Variants in CACNB2 observed in about 807,000 individuals in gnomAD.
The protein encoded by CACNB2 is calcium voltage-gated channel auxiliary subunit beta 2.
CACNB2 carries 42 observed loss-of-function variants against 73.3 expected under a neutral mutation model. The observed-to-expected ratio is 0.57, with a 90% CI of 0.45 to 0.74. The LOEUF (loss-of-function observed/expected upper bound fraction) is 0.74, where lower values mean the gene tolerates loss of function less well. CACNB2 is among the 30% of genes least tolerant of loss of function. The pLI is 0.00. For missense variants in CACNB2, 940 were observed against 853.0 expected, an observed-to-expected ratio of 1.10 and a Z score of -1.27; for synonymous variants, 348 against 310.3, an observed-to-expected ratio of 1.12 and a Z score of -1.28.
At chr10:18,449,453 A>G (rs1360019073) in intron 3 of CACNB2, among the ~76,000 whole-genome samples, 3 of 152,168 alleles carry the variant, frequency 2.0e-5, no homozygotes, top group Non-Finnish European at 2.9e-5. Context: ...CTCCTGCAAC[A>G]AGTCGGGAGG....
rs762982462 is a variant in CACNB2, at chr10:18,464,418, T to TAAAA, written c.334-33918_334-33915dup. Among the ~76,000 whole-genome samples, 554 of 85,230 alleles carry TAAAA rather than the reference T, an allele frequency of 6.5e-3. 17 individuals carry two copies. Among genetic ancestry groups the TAAAA allele is most frequent in the African/African-American group, 0.02 (510 of 24,904 alleles). The allele number at this position is 85,230 out of a possible 152,430, so 55.9% of individuals were successfully genotyped here. A position where few individuals can be genotyped will look rare whatever the true frequency, so the allele number is the denominator to read the frequency against. ...CAGAGTGAGACCCTGTCTCAAAAATTAAAAAAAAAAAAAAAAAAAAAAGAA... is the reference window on the plus strand; with the variant it reads ...CAGAGTGAGACCCTGTCTCAAAAATTAAAAAAAAAAAAAAAAAAAAAAAAAAGAA... On this transcript the variant is annotated intron_variant, in intron 3 of 13. Coordinates refer to ENST00000324631, the MANE Select transcript of CACNB2 (RefSeq NM_201596.3).
chr10:18,445,666 G>A (rs1185559468), intron 3 of CACNB2, among the ~76,000 whole-genome samples: 1 of 152,234 alleles, frequency 6.6e-6, no homozygotes, highest in Admixed American at 6.5e-5. Context: ...AACAAGCACA[G>A]TGAATACAGT....
chr10:18,260,463 C>T (rs2037484167), intron 2 of CACNB2: 1 of 985,450 alleles, frequency 1.0e-6, no homozygotes. Flanking sequence ...CACCAAACAA[C>T]TGTGCGCCGC....
intron 3 of CACNB2, among the ~76,000 whole-genome samples, chr10:18,494,057 A>G (rs1243599578): frequency 1.3e-5 from 2 of 152,204 alleles, no homozygotes; most frequent in Non-Finnish European, 2.9e-5. Flanking sequence ...AGGTGAGGCA[A>G]GAAAGGAGGC....
At chr10:18,385,296 G>A (rs1202169335) in intron 2 of CACNB2, among the ~76,000 whole-genome samples, 1 of 148,660 alleles carries the variant, frequency 6.7e-6, no homozygotes, top group Non-Finnish European at 1.5e-5. Flanking sequence ...AAAAAAAAAC[G>A]GTTGCCTTAT....
intron 3 of CACNB2, among the ~76,000 whole-genome samples, chr10:18,424,052 C>G (rs1331739170): frequency 1.3e-5 from 2 of 151,990 alleles, no homozygotes; most frequent in Non-Finnish European, 1.5e-5. Flanking sequence ...AAAAAAAACT[C>G]ATGTACCCAC....
In CACNB2 at chr10:18,171,543, A is replaced by AAAAAAAAAAAAAG. The variant is rs1564314409; in HGVS notation, c.213+20574_213+20575insAAAAAAGAAAAAA. 3.4e-3 allele frequency among the ~76,000 whole-genome samples: 474 copies of AAAAAAAAAAAAAG among 138,792 alleles called. 22 individuals carry two copies. Among genetic ancestry groups the AAAAAAAAAAAAAG allele is most frequent in the African/African-American group, 0.015 (459 of 30,796 alleles). The allele number at this position is 138,792 out of a possible 152,430, so 91.1% of individuals were successfully genotyped here. On this transcript the variant is annotated intron_variant, in intron 2 of 13. Coordinates refer to ENST00000324631, the MANE Select transcript of CACNB2 (RefSeq NM_201596.3). The stretch of plus-strand genomic sequence containing the variant: ...GCAGAAAAAAAAAAAAAAAAAAAAA[A>AAAAAAAAAAAAAG]AAAAAAGGCTATTTGTTCTTCTTCA...
intron 10 of CACNB2, 122 bp from the exon 11 acceptor site, chr10:18,533,954 C>T: frequency 1.2e-6 from 1 of 838,248 alleles, no homozygotes; most frequent in Non-Finnish European, 1.9e-6. Flanking sequence ...TTTATCAATT[C>T]TATTGCCTGT....
intron 2 of CACNB2, among the ~76,000 whole-genome samples, chr10:18,161,391 A>G (rs572625242): frequency 9.2e-5 from 14 of 152,198 alleles, no homozygotes; most frequent in Non-Finnish European, 1.8e-4. Context: ...ACTTCTGTCA[A>G]GGTTACTTTG....
chr10:18,211,408 A>G (rs11013025), intron 2 of CACNB2, among the ~76,000 whole-genome samples: 3,015 of 152,268 alleles, frequency 0.02, 108 homozygotes, highest in African/African-American at 0.069. Context: ...AACTTTTAAG[A>G]TATACAAAAA....
chr10:18,480,210 T>A (rs751861870), intron 3 of CACNB2, among the ~76,000 whole-genome samples: 1 of 152,186 alleles, frequency 6.6e-6, no homozygotes, highest in African/African-American at 2.4e-5. Context: ...CTTGGATAGG[T>A]TTGTATATGC....
intron 3 of CACNB2, among the ~76,000 whole-genome samples, chr10:18,461,636 C>G (rs2047581782): frequency 6.6e-6 from 1 of 152,054 alleles, no homozygotes; most frequent in South Asian, 2.1e-4. Flanking sequence ...GAGTCTCAAC[C>G]TAGATCCCTC....
chr10:18,179,119 A>T (rs1041785366), intron 2 of CACNB2, among the ~76,000 whole-genome samples: 1 of 152,222 alleles, frequency 6.6e-6, no homozygotes, highest in African/African-American at 2.4e-5. Context: ...CTTTTATTGC[A>T]ATGTAAACTA....
At chr10:18,261,491 A>G (rs987515736) in intron 2 of CACNB2, among the ~76,000 whole-genome samples, 1 of 152,112 alleles carries the variant, frequency 6.6e-6, no homozygotes, top group Admixed American at 6.5e-5. Context: ...ATTCTGAGAT[A>G]TTTATTTTTT....
chr10:18,347,344 ATTTTTTTTTTTTTTT>A lies in CACNB2; in HGVS notation c.214-54565_214-54551del, dbSNP rs201654242. On this transcript the variant is annotated intron_variant, in intron 2 of 13. Transcript: ENST00000324631. ...AGGCGCATGCCGCCATGCCCGTCTA[ATTTTTTTTTTTTTTT>A]TTTTTTTTTTTTTTGTATTTTAGTA... 7.4e-5 allele frequency among the ~76,000 whole-genome samples: 9 copies of A among 120,814 alleles called. No individual in the cohort carries two copies. The East Asian group carries it at 2.0e-3, about 27-fold the overall frequency. The allele number at this position is 120,814 out of a possible 152,430, so 79.3% of individuals were successfully genotyped here.
intron 11 of CACNB2, 130 bp from the exon 12 acceptor site, chr10:18,535,971 T>A (rs1021230493): frequency 1.6e-6 from 1 of 643,616 alleles, no homozygotes; most frequent in Non-Finnish European, 2.8e-6. Context: ...GCAGATAATC[T>A]TATAGCTCCA....
chr10:18,416,514 T>C (rs540706334), intron 3 of CACNB2, among the ~76,000 whole-genome samples: 1 of 152,314 alleles, frequency 6.6e-6, no homozygotes, highest in South Asian at 2.1e-4. Context: ...CCTCCTGGGT[T>C]CAAAGGATTC....
At chr10:18,531,626 T>A (rs961794676) in intron 10 of CACNB2, among the ~76,000 whole-genome samples, 2 of 152,206 alleles carry the variant, frequency 1.3e-5, no homozygotes, top group African/African-American at 4.8e-5. Context: ...TACACTCCCA[T>A]CAACAGTGTA....
intron 2 of CACNB2, among the ~76,000 whole-genome samples, chr10:18,268,297 C>A (rs1170355643): frequency 6.6e-6 from 1 of 152,194 alleles, no homozygotes; most frequent in Non-Finnish European, 1.5e-5. Context: ...AACCTTTCAT[C>A]TCTGTTCTCA....
Sources: gnomAD v4.1 joint callset for allele counts (sites outside exome capture counted in the v4.1 genomes callset) on GRCh38, gnomAD v4.1.1 for gene constraint, MANE v1.5 for transcripts, NCBI Gene and HGNC (gene_info 2026-07-23, HGNC 2026-07-21) for gene names.